RBFOX1: variants seen among roughly 807,000 people sequenced by gnomAD.
The protein encoded by RBFOX1 is RNA binding fox-1 homolog 1, also known as RNA binding protein fox-1 homolog 1.
In RBFOX1, 8 loss-of-function variants were observed where a neutral mutation model predicts 57.7. The observed-to-expected ratio is 0.14, with a 90% CI of 0.08 to 0.25. The LOEUF is 0.25. Among genes scored for constraint, RBFOX1 ranks in the 10% least tolerant of loss-of-function variants. The pLI, the probability that RBFOX1 is intolerant of heterozygous loss-of-function variation, is 1.00. For missense variants in RBFOX1, 611 were observed against 548.5 expected (o/e 1.11, Z -1.14); for synonymous variants, 326 against 222.4 (o/e 1.47, Z -4.15).
At chr16:5,915,932 T>C (rs920898818) in intron 4 of RBFOX1, among the ~76,000 whole-genome samples, 7 of 152,334 alleles carry the variant, frequency 4.6e-5, no homozygotes, top group Admixed American at 6.5e-5. Context: ...TTGGGAATAA[T>C]GGGGCTTAGA....
At chr16:7,018,787 T>TA (rs141781801) in intron 3 of RBFOX1, among the ~76,000 whole-genome samples, 71,074 of 146,402 alleles carry the variant, frequency 0.49, 18,212 homozygotes, top group South Asian at 0.61. Flanking sequence ...CTTAAAGTAT[T>TA]AAAAAAAAAA....
intron 3 of RBFOX1, among the ~76,000 whole-genome samples, chr16:6,810,796 C>T (rs1354960990): frequency 1.3e-5 from 2 of 152,042 alleles, no homozygotes; most frequent in Admixed American, 1.3e-4. Flanking sequence ...TCAGATCTCG[C>T]CAGAAGTCAC....
chr16:7,282,935 G>A (rs1288802936), intron 4 of RBFOX1, among the ~76,000 whole-genome samples: 4 of 152,162 alleles, frequency 2.6e-5, no homozygotes, highest in Non-Finnish European at 5.9e-5. Context: ...TGGTTGAGTA[G>A]TCCATCATGT....
chr16:6,894,512 T>G (rs937934802), intron 3 of RBFOX1, among the ~76,000 whole-genome samples: 3 of 152,324 alleles, frequency 2.0e-5, no homozygotes, highest in Middle Eastern at 3.4e-3. Context: ...TGTTCACACC[T>G]GCTCTCCATC....
At chr16:5,642,504 T>C (rs747139050) in intron 3 of RBFOX1, among the ~76,000 whole-genome samples, 4 of 152,204 alleles carry the variant, frequency 2.6e-5, no homozygotes, top group Non-Finnish European at 4.4e-5. Context: ...CGCTCTTAAA[T>C]GCTGCAATCT....
At chr16:6,248,777 C>A (rs1365085149) in intron 1 of RBFOX1, among the ~76,000 whole-genome samples, 1 of 152,096 alleles carries the variant, frequency 6.6e-6, no homozygotes, top group Non-Finnish European at 1.5e-5. Flanking sequence ...AAGTCACATG[C>A]ATATTATTTA....
At chr16:7,049,918 A>C (rs1177809669) in intron 3 of RBFOX1, among the ~76,000 whole-genome samples, 1 of 152,222 alleles carries the variant, frequency 6.6e-6, no homozygotes, top group African/African-American at 2.4e-5. Context: ...ACTGGCATTT[A>C]AGTACATTCA....
intron 3 of RBFOX1, among the ~76,000 whole-genome samples, chr16:7,012,528 G>T (rs12445944): frequency 1.2e-3 from 185 of 152,178 alleles, no homozygotes; most frequent in Non-Finnish European, 2.3e-3. Context: ...AGAAAAACAA[G>T]GACATTGGAA....
intron 3 of RBFOX1, among the ~76,000 whole-genome samples, chr16:5,649,603 C>G (rs143129599): frequency 6.6e-6 from 1 of 152,192 alleles, no homozygotes; most frequent in Non-Finnish European, 1.5e-5. Context: ...CTCTCATTTC[C>G]CTTTCTTCCC....
At chr16:7,347,755 TCAGTGA>T (rs2097044261) in intron 4 of RBFOX1, among the ~76,000 whole-genome samples, 1 of 152,198 alleles carries the variant, frequency 6.6e-6, no homozygotes, top group Non-Finnish European at 1.5e-5. Flanking sequence ...AATCTTTATA[TCAGTGA>T]ACTATGCCCG....
chr16:5,941,829 A>T (rs2059284356), intron 4 of RBFOX1, among the ~76,000 whole-genome samples: 1 of 152,052 alleles, frequency 6.6e-6, no homozygotes, highest in African/African-American at 2.4e-5. Context: ...GAAATAGACA[A>T]GAGAGCCAGC....
At chr16:6,584,704 C>A (rs573892666) in intron 2 of RBFOX1, among the ~76,000 whole-genome samples, 1 of 151,984 alleles carries the variant, frequency 6.6e-6, no homozygotes, top group Non-Finnish European at 1.5e-5. Context: ...CCCTGAATGA[C>A]CTCTAGCTAC....
At chr16:6,788,557 G>A (rs1603623884) in intron 3 of RBFOX1, among the ~76,000 whole-genome samples, 1 of 151,734 alleles carries the variant, frequency 6.6e-6, no homozygotes, top group South Asian at 2.1e-4. Context: ...CTCACTGCAA[G>A]CTCTGCCTTC....
At chr16:7,558,678 T>G (rs551307858) in intron 5 of RBFOX1, among the ~76,000 whole-genome samples, 1 of 150,818 alleles carries the variant, frequency 6.6e-6, no homozygotes, top group African/African-American at 2.5e-5. Flanking sequence ...ATCAACAAAC[T>G]TCAACAGTCC....
chr16:6,895,413 A>AATAT lies in RBFOX1; in HGVS notation c.-15-156641_-15-156638dup, dbSNP rs199590751. 5.9e-3 allele frequency among the ~76,000 whole-genome samples: 650 copies of AATAT among 110,148 alleles called. 13 individuals carry two copies. Among genetic ancestry groups the AATAT allele is most frequent in the African/African-American group, 0.022 (624 of 28,426 alleles). 72.3% of individuals were successfully genotyped at this position (110,148 alleles called of 152,430 possible). A position where few individuals can be genotyped will look rare whatever the true frequency, so the allele number is the denominator to read the frequency against. On this transcript the variant is annotated intron_variant, in intron 3 of 15. Coordinates refer to ENST00000550418, the MANE Select transcript of RBFOX1 (RefSeq NM_018723.4). ...TCTGCCTCAGCCACTAGTTGTTAGT[A>AATAT]ATATATGTGTGTGTGTGTGTGTGTG...
chr16:6,722,983 C>T (rs1173202131), intron 3 of RBFOX1, among the ~76,000 whole-genome samples: 2 of 152,154 alleles, frequency 1.3e-5, no homozygotes, highest in Non-Finnish European at 2.9e-5. Context: ...TGGTATTTGA[C>T]ACTTTATCAG....
intron 2 of RBFOX1, among the ~76,000 whole-genome samples, chr16:5,539,424 C>G (rs1335782462): frequency 6.6e-6 from 1 of 151,698 alleles, no homozygotes; most frequent in Non-Finnish European, 1.5e-5. Flanking sequence ...AAAACCCTGT[C>G]TCTACTGAAA....
chr16:6,743,134 T>C (rs781640575), intron 3 of RBFOX1, among the ~76,000 whole-genome samples: 28 of 152,184 alleles, frequency 1.8e-4, no homozygotes, highest in Non-Finnish European at 3.8e-4. Context: ...GATTTGCCTT[T>C]TATAGTGTTA....
chr16:5,239,788 G>A (rs577748352), upstream of RBFOX1: 174 of 636,208 alleles, frequency 2.7e-4, 1 homozygote, highest in South Asian at 1.9e-3. Context: ...CGCGCCGCGC[G>A]GACCCACCGA....
Sources: gnomAD v4.1 joint callset for allele counts (sites outside exome capture counted in the v4.1 genomes callset) on GRCh38, gnomAD v4.1.1 for gene constraint, MANE v1.5 for transcripts, NCBI Gene and HGNC (gene_info 2026-07-23, HGNC 2026-07-21) for gene names.